Variants in NOL10 observed in about 807,000 individuals in gnomAD.
NOL10 encodes the protein H_NH0074G24.1.
Under a neutral mutation model 103.5 loss-of-function variants are expected in NOL10, and 58 were observed. The ratio of observed to expected loss-of-function variants is 0.56; its 90% confidence interval spans 0.45 to 0.70. The LOEUF is 0.70. Among genes scored for constraint, NOL10 ranks in the 30% least tolerant of loss-of-function variants. The pLI is 0.00. For missense variants in NOL10, 763 were observed against 807.3 expected (o/e 0.95, Z 0.67); for synonymous variants, 287 against 282.5 (o/e 1.02, Z -0.16).
intron 14 of NOL10, among the ~76,000 whole-genome samples, chr2:10,606,607 C>CAAAA (rs35623656): frequency 1.8e-5 from 2 of 111,796 alleles, no homozygotes; most frequent in East Asian, 2.5e-4. Context: ...GACTCTGTCT[C>CAAAA]AAAAAAAAAA....
At chr2:10,629,622 C>G (rs1677706093) in intron 13 of NOL10, among the ~76,000 whole-genome samples, 1 of 152,166 alleles carries the variant, frequency 6.6e-6, no homozygotes, top group Non-Finnish European at 1.5e-5. Context: ...TTTAAAAAAT[C>G]AGACTTCTTA....
At chr2:10,629,114 TCCC>T (rs1677673445) in intron 13 of NOL10, among the ~76,000 whole-genome samples, 1 of 40,458 alleles carries the variant, frequency 2.5e-5, no homozygotes, top group Non-Finnish European at 5.1e-5. Flanking sequence ...CCTCCCTCCC[TCCC>T]CCCACCACCC....
At chr2:10,634,948 C>G (rs947349189) in intron 13 of NOL10, among the ~76,000 whole-genome samples, 1 of 152,130 alleles carries the variant, frequency 6.6e-6, no homozygotes, top group African/African-American at 2.4e-5. Flanking sequence ...TGACTGTACA[C>G]GTCTGTCCAG....
intron 15 of NOL10, 65 bp downstream of exon 15, chr2:10,603,013 T>C (rs1204695191): frequency 5.2e-6 from 7 of 1,346,346 alleles, no homozygotes; most frequent in Non-Finnish European, 5.2e-6. Flanking sequence ...GTGCGAGTAG[T>C]GAGGAAATGG....
chr2:10,636,500 C>T (rs1019081830), intron 13 of NOL10, among the ~76,000 whole-genome samples: 4 of 148,256 alleles, frequency 2.7e-5, no homozygotes, highest in Admixed American at 6.7e-5. Context: ...CCCAGATACT[C>T]GAGAGGCTGA....
chr2:10,650,030 T>C (rs1049767090), intron 12 of NOL10, among the ~76,000 whole-genome samples: 2 of 152,240 alleles, frequency 1.3e-5, no homozygotes, highest in Admixed American at 6.5e-5. Context: ...GTTTGCCAAA[T>C]AGACTTTTTA....
At chr2:10,616,217 ATTTTTTTTTT>A (rs533351651) in intron 13 of NOL10, among the ~76,000 whole-genome samples, 96 of 95,614 alleles carry the variant, frequency 1.0e-3, no homozygotes, top group African/African-American at 4.1e-3. Flanking sequence ...ACCACCCTGC[ATTTTTTTTTT>A]TTTTTTTTTT....
intron 8 of NOL10, 100 bp from the exon 9 acceptor site, chr2:10,663,144 A>G (rs1680317938): frequency 2.3e-6 from 2 of 860,884 alleles, no homozygotes; most frequent in East Asian, 5.3e-5. Context: ...AGGCGGGCTG[A>G]TCACCTGAAG....
intron 13 of NOL10, among the ~76,000 whole-genome samples, chr2:10,631,914 A>C (rs1677876305): frequency 6.6e-6 from 1 of 152,120 alleles, no homozygotes; most frequent in Non-Finnish European, 1.5e-5. Flanking sequence ...GGGTTTCTCC[A>C]TGTTGGTCAG....
intron 10 of NOL10, among the ~76,000 whole-genome samples, chr2:10,658,551 C>A (rs1361298060): frequency 1.3e-5 from 2 of 151,772 alleles, no homozygotes; most frequent in African/African-American, 2.4e-5. Flanking sequence ...ATGGCATGTG[C>A]TATAGTTAAT....
intron 13 of NOL10, among the ~76,000 whole-genome samples, chr2:10,625,835 T>A (rs1677424124): frequency 6.6e-6 from 1 of 152,110 alleles, no homozygotes; most frequent in Non-Finnish European, 1.5e-5. Context: ...TTTTTTCTCC[T>A]CTAACCAATG....
chr2:10,599,827 C>G (rs1041599885), intron 17 of NOL10, among the ~76,000 whole-genome samples: 1 of 151,882 alleles, frequency 6.6e-6, no homozygotes, highest in African/African-American at 2.4e-5. Context: ...AAACTGTGAC[C>G]CCATGAAGAC....
At chr2:10,686,173 G>A (rs1054254332) in intron 1 of NOL10, among the ~76,000 whole-genome samples, 2 of 152,196 alleles carry the variant, frequency 1.3e-5, no homozygotes, top group African/African-American at 4.8e-5. Context: ...AGATGGTTAT[G>A]TATGCCATGG....
chr2:10,684,840 T>C (rs933991037), intron 1 of NOL10, among the ~76,000 whole-genome samples: 1 of 152,232 alleles, frequency 6.6e-6, no homozygotes, highest in African/African-American at 2.4e-5. Context: ...CTTTTATTTT[T>C]ACTTTTTTAG....
In NOL10 at chr2:10,673,626, C is replaced by G. The variant is rs1252128948; in HGVS notation, c.290-69G>C. 4 of 1,030,480 alleles carry G rather than the reference C, an allele frequency of 3.9e-6. No individual in the cohort carries two copies. The African/African-American group carries it at 6.5e-5, about 17-fold the overall frequency. 63.8% of individuals were successfully genotyped at this position (1,030,480 alleles called of 1,614,324 possible). The stretch of plus-strand genomic sequence containing the variant: ...TCTTAGTAACAACGCAAACCTGATG[C>G]AAAGATTCTAATTCAACACAGAAAT... On this transcript the variant is annotated intron_variant, in intron 4 of 20. Coordinates refer to ENST00000381685, the MANE Select transcript of NOL10 (RefSeq NM_024894.4).
chr2:10,581,288 C>T (rs984160346), intron 19 of NOL10, among the ~76,000 whole-genome samples: 3 of 152,168 alleles, frequency 2.0e-5, no homozygotes, highest in East Asian at 3.9e-4. Flanking sequence ...CGCATACCCC[C>T]GCTGATCCAG....
chr2:10,663,201 T>C (rs1680322784), intron 8 of NOL10, among the ~76,000 whole-genome samples, 157 bp from the exon 9 acceptor site: 1 of 152,120 alleles, frequency 6.6e-6, no homozygotes, highest in African/African-American at 2.4e-5. Flanking sequence ...ACTCTGTTTC[T>C]ACTAAAAATA....
intron 13 of NOL10, among the ~76,000 whole-genome samples, chr2:10,632,575 A>G (rs1271461907): frequency 6.6e-6 from 1 of 152,220 alleles, no homozygotes; most frequent in Non-Finnish European, 1.5e-5. Context: ...ATAATTGTCT[A>G]TAGACATGCA....
chr2:10,630,741 A>G (rs1394338550), intron 13 of NOL10, among the ~76,000 whole-genome samples: 2 of 152,040 alleles, frequency 1.3e-5, no homozygotes, highest in African/African-American at 4.8e-5. Flanking sequence ...AAAAAAACCC[A>G]AAAACTTGCT....
Sources: gnomAD v4.1 joint callset for allele counts (sites outside exome capture counted in the v4.1 genomes callset) on GRCh38, gnomAD v4.1.1 for gene constraint, MANE v1.5 for transcripts, NCBI Gene and HGNC (gene_info 2026-07-23, HGNC 2026-07-21) for gene names.